RRP36: variants seen among roughly 807,000 people sequenced by gnomAD.
The protein encoded by RRP36 is ribosomal RNA processing protein 36 homolog.
In RRP36, 44 loss-of-function variants were observed where a neutral mutation model predicts 39.8. The ratio of observed to expected loss-of-function variants is 1.10; its 90% confidence interval spans 0.87 to 1.42. The LOEUF (loss-of-function observed/expected upper bound fraction) is 1.42. Among genes scored for constraint, RRP36 ranks in the 40% most tolerant of loss-of-function variants. RRP36 has a pLI of 0.00. For synonymous variants in RRP36, 124 were observed against 123.1 expected (o/e 1.01, Z -0.05); for missense variants, 316 against 322.4 (o/e 0.98, Z 0.15).
rs1762810945 is a variant in RRP36, at chr6:43,026,158, T to C, written c.450+17T>C. The C allele has an allele frequency of 2.5e-6, 4 of 1,583,458 alleles. No individual in the cohort carries two copies. In the East Asian group the frequency reaches 9.0e-5, roughly 36 times the overall value. On this transcript the variant is annotated intron_variant, in intron 4 of 6. Transcript: ENST00000244496. ...GAGAAAGAGGTATACAGCTTGAGACTGGTTTATGGGGAATTTTGTGGGGTG... is the reference window on the plus strand; with the variant it reads ...GAGAAAGAGGTATACAGCTTGAGACCGGTTTATGGGGAATTTTGTGGGGTG...
intron 1 of RRP36, 74 bp downstream of exon 1, chr6:43,021,858 G>C: frequency 8.9e-7 from 1 of 1,118,374 alleles, no homozygotes; most frequent in South Asian, 4.6e-5. Flanking sequence ...TGCAGAGACG[G>C]TGCCGGTAAG....
rs747070834 is a variant in RRP36, at chr6:43,027,512, G to A, written c.643+35G>A. 12 of 1,549,502 alleles carry A rather than the reference G, an allele frequency of 7.7e-6. No homozygotes were observed. In the East Asian group the frequency reaches 2.7e-4, roughly 35 times the overall value. On this transcript the variant is annotated intron_variant, in intron 6 of 6. Transcript: ENST00000244496. ...GCACAACTGTTGCTAACAGGGACAG[G>A]GGTGCAGGGGCCATGGTGGTAGAGT...
chr6:43,028,005 GA>G (rs1337667182), intron 6 of RRP36, among the ~76,000 whole-genome samples: 1 of 152,274 alleles, frequency 6.6e-6, no homozygotes, highest in East Asian at 1.9e-4. Context: ...ATAGTTGGTT[GA>G]ATTGAGTAGT....
Position 43,026,016 on chromosome 6 carries a change from TTCTC to T in RRP36, c.346-15_346-12del, listed in dbSNP as rs765279982. Reference sequence around the variant, plus strand: ...GGAGATTGAACAGTTGTGTTTTATATTCTCTCTCTTCTCTCCAAAGGTAGCCCGG... The same window carrying T: ...GGAGATTGAACAGTTGTGTTTTATATTCTCTTCTCTCCAAAGGTAGCCCGG... On this transcript the variant is annotated splice_polypyrimidine_tract_variant and intron_variant, in intron 3 of 6. Transcript: ENST00000244496. 23 of 1,557,822 alleles carry T rather than the reference TTCTC, an allele frequency of 1.5e-5. No individual in the cohort carries two copies. The South Asian group carries it at 1.9e-4, about 13-fold the overall frequency.
intron 6 of RRP36, among the ~76,000 whole-genome samples, chr6:43,028,814 G>A (rs372598496): frequency 3.9e-5 from 6 of 151,942 alleles, no homozygotes; most frequent in African/African-American, 1.5e-4. Flanking sequence ...TTAGCCATAT[G>A]TGGTGGTGCG....
chr6:43,029,420 C>T lies in RRP36; in HGVS notation c.*192C>T, dbSNP rs1762873988. ...AGAATAGTTCAGCCTTCTGCCATGC[C>T]ACACAGCCTCAGCTTGAATCTGGTT... is the stretch of plus-strand genomic sequence containing the variant. On this transcript the variant is annotated 3_prime_UTR_variant, in exon 7 of 7. Coordinates refer to ENST00000244496, the MANE Select transcript of RRP36 (RefSeq NM_033112.4). 5 of 545,384 alleles carry T rather than the reference C, an allele frequency of 9.2e-6. No homozygotes were observed. The highest frequency in any genetic ancestry group is 3.0e-5 in the East Asian group (1 of 33,110). The allele number at this position is 545,384 out of a possible 1,614,324, so 33.8% of individuals were successfully genotyped here. A position where few individuals can be genotyped will look rare whatever the true frequency, so the allele number is the denominator to read the frequency against.
Position 43,027,457 on chromosome 6 carries a change from G to A in RRP36, c.623G>A (p.Arg208Gln), listed in dbSNP as rs761263930. 8 of 1,613,680 alleles carry A rather than the reference G, an allele frequency of 5.0e-6. No individual in the cohort carries two copies. Among genetic ancestry groups the A allele is most frequent in the East Asian group, 2.2e-5 (1 of 44,894 alleles). ...CGGGCTCAGGCCCAGCAGGGCCATC[G>A]GCCATACTTCCTGAAAAAATGTGAG... ...ERRAQAQQGH[R>Q]PYFLKKSEQR... The change falls in exon 6 of 7, where the codon CGG becomes CAG. Residue 208 changes from arginine to glutamine, a missense_variant. Coordinates refer to ENST00000244496, the MANE Select transcript of RRP36 (RefSeq NM_033112.4).
chr6:43,025,459 C>A (rs1762795226), intron 3 of RRP36, 130 bp downstream of exon 3: 1 of 743,826 alleles, frequency 1.3e-6, no homozygotes, highest in Non-Finnish European at 2.2e-6. Context: ...CCTGTCTCTA[C>A]TAAAAATACA....
Position 43,024,854 on chromosome 6 carries a change from C to G in RRP36, c.131-131C>G, listed in dbSNP as rs1223379429. ...TTTAACACTATCACAGCCTCTGCTGCCTAGGACTTCTAATAATGATTGGTC... is the reference window on the plus strand; with the variant it reads ...TTTAACACTATCACAGCCTCTGCTGGCTAGGACTTCTAATAATGATTGGTC... On this transcript the variant is annotated intron_variant, in intron 1 of 6. Coordinates refer to ENST00000244496, the MANE Select transcript of RRP36 (RefSeq NM_033112.4). 4.5e-6 allele frequency: 5 copies of G among 1,115,454 alleles called. No homozygotes were observed. In the Admixed American group the frequency reaches 1.2e-4, roughly 26 times the overall value. The allele number at this position is 1,115,454 out of a possible 1,614,324, so 69.1% of individuals were successfully genotyped here. A position where few individuals can be genotyped will look rare whatever the true frequency, so the allele number is the denominator to read the frequency against.
intron 1 of RRP36, among the ~76,000 whole-genome samples, chr6:43,023,802 AT>A (rs913068374): frequency 7.2e-5 from 11 of 151,872 alleles, no homozygotes; most frequent in African/African-American, 2.2e-4. Flanking sequence ...TTATAGCTCA[AT>A]TTTTTTTAAG....
intron 3 of RRP36, 144 bp from the exon 4 acceptor site, chr6:43,025,893 A>G: frequency 1.9e-6 from 1 of 520,104 alleles, no homozygotes; most frequent in South Asian, 2.3e-5. Context: ...AGATTGCACC[A>G]CTGCACTCCA....
intron 6 of RRP36, among the ~76,000 whole-genome samples, chr6:43,027,796 C>CACACAA: frequency 1.5e-5 from 2 of 131,032 alleles, no homozygotes; most frequent in South Asian, 2.4e-4. Context: ...CACACACACA[C>CACACAA]ACAAACACAG....
chr6:43,026,358 AAAAT>A (rs1257156764), intron 4 of RRP36, among the ~76,000 whole-genome samples: 1 of 152,202 alleles, frequency 6.6e-6, no homozygotes, highest in African/African-American at 2.4e-5. Context: ...TAATCATAAA[AAAAT>A]AAAATAATAA....
Position 43,029,282 on chromosome 6 carries a change from G to A in RRP36, c.*54G>A. 6.3e-7 allele frequency: 1 copy of A among 1,597,178 alleles called. No homozygotes were observed. The highest frequency in any genetic ancestry group is 8.6e-7 in the Non-Finnish European group (1 of 1,167,476). ...CCCCAGGGAGACATGGATCTGTGAG[G>A]ACAGATTTGGCCACGGCTGGTTTCC... On this transcript the variant is annotated 3_prime_UTR_variant, in exon 7 of 7. Coordinates refer to ENST00000244496, the MANE Select transcript of RRP36 (RefSeq NM_033112.4).
At chr6:43,026,220 G>T (rs1432873147) in intron 4 of RRP36, 79 bp downstream of exon 4, 2 of 958,186 alleles carry the variant, frequency 2.1e-6, no homozygotes, top group Non-Finnish European at 3.3e-6. Context: ...TGGGCAGGGG[G>T]AGTGGGAAGT....
At chr6:43,021,850 C>T in intron 1 of RRP36, 66 bp downstream of exon 1, 7 of 1,146,312 alleles carry the variant, frequency 6.1e-6, no homozygotes, top group Non-Finnish European at 7.6e-6. Flanking sequence ...CCTGAGCCTG[C>T]AGAGACGGTG....
intron 1 of RRP36, among the ~76,000 whole-genome samples, chr6:43,023,263 G>A (rs529689200): frequency 6.6e-6 from 1 of 152,110 alleles, no homozygotes; most frequent in Non-Finnish European, 1.5e-5. Context: ...AGCCAGGGTG[G>A]TGGCCCACGT....
In RRP36 at chr6:43,027,341, T is replaced by G; in HGVS notation, c.526-19T>G. 6.2e-7 allele frequency: 1 copy of G among 1,613,786 alleles called. No homozygotes were observed. Among genetic ancestry groups the G allele is most frequent in the African/African-American group, 1.3e-5 (1 of 75,022 alleles). ...TGAACAGATCCCTCCCGTTCACCCATCTCATCTTTGCTCCTCAGGAGCAGC... is the reference window on the plus strand; with the variant it reads ...TGAACAGATCCCTCCCGTTCACCCAGCTCATCTTTGCTCCTCAGGAGCAGC... On this transcript the variant is annotated intron_variant, in intron 5 of 6. Transcript: ENST00000244496.
intron 1 of RRP36, among the ~76,000 whole-genome samples, chr6:43,023,563 C>T (rs1490838044): frequency 6.7e-6 from 1 of 148,738 alleles, no homozygotes. Flanking sequence ...CTTGGTGGTG[C>T]GTGCCTTAGT....
Sources: allele counts gnomAD v4.1 joint callset (sites outside exome capture counted in the v4.1 genomes callset), GRCh38; gene constraint gnomAD v4.1.1; transcripts MANE v1.5; gene names NCBI Gene and HGNC (gene_info 2026-07-23, HGNC 2026-07-21).